The following LRRC49 variants were observed in gnomAD, a reference collection of about 807,000 sequenced individuals.
LRRC49 encodes leucine-rich repeat-containing protein 49.
In LRRC49, 50 loss-of-function variants were observed where a neutral mutation model predicts 83.3. The ratio of observed to expected loss-of-function variants is 0.60; its 90% CI spans 0.48 to 0.76. The LOEUF (loss-of-function observed/expected upper bound fraction) is 0.76. Ranked by LOEUF, LRRC49 falls within the 30% of genes least tolerant of loss-of-function variation. The pLI is 0.00. For missense variants in LRRC49, 704 were observed against 809.1 expected (o/e 0.87, Z 1.58); for synonymous variants, 286 against 283.3 (o/e 1.01, Z -0.10).
chr15:71,026,885 T>C (rs950526141), intron 14 of LRRC49, among the ~76,000 whole-genome samples: 1 of 152,210 alleles, frequency 6.6e-6, no homozygotes, highest in Admixed American at 6.5e-5. Context: ...TCTCCCATTC[T>C]GTAGGTTGCC....
intron 11 of LRRC49, among the ~76,000 whole-genome samples, chr15:71,005,880 T>C (rs1288594237): frequency 1.3e-5 from 2 of 152,186 alleles, no homozygotes; most frequent in Non-Finnish European, 1.5e-5. Flanking sequence ...ATCCCCAAAA[T>C]ATAAACATTG....
At chr15:70,971,458 G>A (rs1347030563) in intron 9 of LRRC49, among the ~76,000 whole-genome samples, 1 of 152,166 alleles carries the variant, frequency 6.6e-6, no homozygotes, top group African/African-American at 2.4e-5. Context: ...ATTTGGGGTG[G>A]AGAGTTCTGT....
At chr15:70,866,025 T>C (rs1174277250) in intron 1 of LRRC49, among the ~76,000 whole-genome samples, 1 of 152,174 alleles carries the variant, frequency 6.6e-6, no homozygotes, top group African/African-American at 2.4e-5. Flanking sequence ...AATTTCCCAA[T>C]AGACAGTAAA....
intron 10 of LRRC49, among the ~76,000 whole-genome samples, chr15:70,981,106 G>C (rs2037380647): frequency 1.3e-5 from 2 of 152,130 alleles, no homozygotes; most frequent in South Asian, 4.1e-4. Flanking sequence ...GGAATCAGGA[G>C]ACCCAGGTTC....
intron 1 of LRRC49, among the ~76,000 whole-genome samples, chr15:70,864,685 C>A (rs1595966935): frequency 6.6e-6 from 1 of 152,296 alleles, no homozygotes; most frequent in East Asian, 1.9e-4. Context: ...AGATATCACT[C>A]AGGGGAACTT....
At chr15:71,010,090 C>T (rs1360368318) in intron 13 of LRRC49, 98 bp downstream of exon 13, 2 of 670,220 alleles carry the variant, frequency 3.0e-6, no homozygotes, top group African/African-American at 1.9e-5. Flanking sequence ...CATGATAGAA[C>T]ATTTGAGATA....
Position 71,047,169 on chromosome 15 carries a change from G to A in LRRC49, c.1858-2240G>A, listed in dbSNP as rs759140677. Among the ~76,000 whole-genome samples, 24 of 152,052 alleles carry A rather than the reference G, an allele frequency of 1.6e-4. No individual in the cohort carries two copies. In the East Asian group the frequency reaches 2.1e-3, roughly 13 times the overall value. On this transcript the variant is annotated intron_variant, in intron 15 of 15. Coordinates refer to ENST00000260382, the MANE Select transcript of LRRC49 (RefSeq NM_017691.5). Reference sequence around the variant, plus strand: ...TTGCTTAGGATTGCTTTGGCTATTCGGGCTCTTTTTTGGTTCCATATGAAT... The same window carrying A: ...TTGCTTAGGATTGCTTTGGCTATTCAGGCTCTTTTTTGGTTCCATATGAAT...
At chr15:70,992,185 A>C (rs1439803380) in intron 11 of LRRC49, among the ~76,000 whole-genome samples, 1 of 152,252 alleles carries the variant, frequency 6.6e-6, no homozygotes, top group African/African-American at 2.4e-5. Context: ...ACTTCTCTAC[A>C]CTGGTTATTC....
chr15:70,886,099 C>A (rs1239277058), intron 2 of LRRC49, among the ~76,000 whole-genome samples: 1 of 151,946 alleles, frequency 6.6e-6, no homozygotes, highest in Non-Finnish European at 1.5e-5. Flanking sequence ...AAGATAAAAT[C>A]ACAATGGAAA....
At chr15:71,046,206 A>G (rs796234675) in intron 15 of LRRC49, among the ~76,000 whole-genome samples, 8 of 152,322 alleles carry the variant, frequency 5.3e-5, no homozygotes, top group African/African-American at 1.9e-4. Flanking sequence ...TCTTTGGAGT[A>G]TATACCCAGG....
At chr15:70,974,082 G>A (rs1822151) in intron 9 of LRRC49, among the ~76,000 whole-genome samples, 115,493 of 152,016 alleles carry the variant, frequency 0.76, 45,640 homozygotes, top group East Asian at 0.85. Context: ...AGCCGAGATC[G>A]CGCCACTGCA....
At chr15:70,918,839 A>G (rs1282728603) in intron 6 of LRRC49, 12 of 451,244 alleles carry the variant, frequency 2.7e-5, no homozygotes. Context: ...CTATGGTCAA[A>G]TTGTAAAATA....
At chr15:71,010,835 G>C (rs947642134) in intron 13 of LRRC49, among the ~76,000 whole-genome samples, 2 of 151,874 alleles carry the variant, frequency 1.3e-5, no homozygotes, top group African/African-American at 4.8e-5. Context: ...TTAATATGTT[G>C]TTAGTCTTAT....
At chr15:71,025,721 G>C (rs1429775016) in intron 14 of LRRC49, among the ~76,000 whole-genome samples, 9 of 140,350 alleles carry the variant, frequency 6.4e-5, no homozygotes, top group Non-Finnish European at 7.8e-5. Flanking sequence ...AAAAAAAACA[G>C]GGGTTGCAAT....
At chr15:71,049,218 CTTG>C (rs1429001602) in intron 15 of LRRC49, among the ~76,000 whole-genome samples, 188 bp from the exon 16 acceptor site, 1 of 152,016 alleles carries the variant, frequency 6.6e-6, no homozygotes, top group Non-Finnish European at 1.5e-5. Context: ...TACTGAGACC[CTTG>C]TTGTTATCTT....
At chr15:70,986,898 G>A (rs1447324241) in intron 11 of LRRC49, among the ~76,000 whole-genome samples, 1 of 152,080 alleles carries the variant, frequency 6.6e-6, no homozygotes, top group Non-Finnish European at 1.5e-5. Flanking sequence ...ATAATCATGT[G>A]GTTTTTGTCT....
At chr15:71,000,647 T>A (rs531645395) in intron 11 of LRRC49, among the ~76,000 whole-genome samples, 25 of 152,302 alleles carry the variant, frequency 1.6e-4, no homozygotes, top group African/African-American at 4.8e-4. Flanking sequence ...ATATATAGTT[T>A]GTTTTTTTCT....
intron 8 of LRRC49, among the ~76,000 whole-genome samples, chr15:70,937,718 AC>A (rs1567060378): frequency 6.6e-6 from 1 of 152,166 alleles, no homozygotes; most frequent in Non-Finnish European, 1.5e-5. Context: ...ATCATCCTGT[AC>A]TATGTCTCTA....
At chr15:70,864,725 C>T (rs762187433) in intron 1 of LRRC49, among the ~76,000 whole-genome samples, 1 of 152,194 alleles carries the variant, frequency 6.6e-6, no homozygotes, top group Non-Finnish European at 1.5e-5. Context: ...GTGTACGGGA[C>T]ATTCAATGCT....
Sources: gnomAD v4.1 joint callset for allele counts (sites outside exome capture counted in the v4.1 genomes callset) on GRCh38, gnomAD v4.1.1 for gene constraint, MANE v1.5 for transcripts, NCBI Gene and HGNC (gene_info 2026-07-23, HGNC 2026-07-21) for gene names.